Variants in TPST2 observed in about 807,000 individuals in gnomAD.
TPST2 encodes the protein protein-tyrosine sulfotransferase 2.
In TPST2, 16 loss-of-function variants were observed where a neutral mutation model predicts 27.8. That is an observed-to-expected ratio of 0.58 (90% confidence interval 0.39 to 0.88). The LOEUF (loss-of-function observed/expected upper bound fraction) is 0.88, where lower values mean the gene tolerates loss of function less well. Among genes scored for constraint, TPST2 ranks in the 40% least tolerant of loss-of-function variants. TPST2 has a pLI of 0.00. For synonymous variants in TPST2, 229 were observed against 231.7 expected, an observed-to-expected ratio of 0.99 and a Z score of 0.10; for missense variants, 464 against 543.1, an observed-to-expected ratio of 0.85 and a Z score of 1.45.
intron 1 of TPST2, among the ~76,000 whole-genome samples, chr22:26,550,039 C>A (rs369276361): frequency 1.2e-4 from 17 of 140,232 alleles, no homozygotes; most frequent in East Asian, 2.1e-4. Flanking sequence ...GACTCCATCT[C>A]AAAAAAAAAA....
intron 1 of TPST2, among the ~76,000 whole-genome samples, chr22:26,549,989 G>A (rs769889460): frequency 6.7e-5 from 10 of 150,270 alleles, no homozygotes; most frequent in Non-Finnish European, 4.4e-5. Flanking sequence ...GCAGTGAGCC[G>A]AGATCATGCC....
intron 1 of TPST2, among the ~76,000 whole-genome samples, chr22:26,583,840 C>CAA (rs778357820): frequency 6.2e-5 from 9 of 144,108 alleles, no homozygotes; most frequent in African/African-American, 2.3e-4. Context: ...GACTTCGTCT[C>CAA]AAAAAAAAAA....
At chr22:26,550,170 A>T (rs1292830059) in intron 1 of TPST2, among the ~76,000 whole-genome samples, 2 of 152,222 alleles carry the variant, frequency 1.3e-5, no homozygotes, top group East Asian at 1.9e-4. Context: ...CCTTAGACTC[A>T]GATTCATTCA....
At chr22:26,570,061 A>C (rs1393999975) in intron 1 of TPST2, among the ~76,000 whole-genome samples, 4 of 150,512 alleles carry the variant, frequency 2.7e-5, no homozygotes, top group Admixed American at 6.6e-5. Context: ...GAAAGAAAGA[A>C]AGAAGGAAAG....
intron 1 of TPST2, among the ~76,000 whole-genome samples, chr22:26,588,753 G>A (rs553602467): frequency 5.3e-5 from 8 of 152,140 alleles, no homozygotes; most frequent in African/African-American, 1.4e-4. Context: ...AAAATGCGTC[G>A]CCCGGGCCAC....
chr22:26,570,226 T>C (rs1183750067), intron 1 of TPST2, among the ~76,000 whole-genome samples: 2 of 152,038 alleles, frequency 1.3e-5, no homozygotes, highest in Non-Finnish European at 2.9e-5. Context: ...ACAAGACTCT[T>C]TGCATTCATT....
At chr22:26,555,514 C>T (rs1926746619) in intron 1 of TPST2, among the ~76,000 whole-genome samples, 1 of 152,264 alleles carries the variant, frequency 6.6e-6, no homozygotes, top group South Asian at 2.1e-4. Flanking sequence ...GAAAACGGCA[C>T]CTACCTTGTG....
At chr22:26,568,218 A>C (rs1927452751) in intron 1 of TPST2, among the ~76,000 whole-genome samples, 1 of 152,268 alleles carries the variant, frequency 6.6e-6, no homozygotes, top group African/African-American at 2.4e-5. Flanking sequence ...TATATACTAA[A>C]CAGCCAGGAG....
chr22:26,584,459 T>C (rs1351861829), intron 1 of TPST2, among the ~76,000 whole-genome samples: 1 of 152,218 alleles, frequency 6.6e-6, no homozygotes, highest in Non-Finnish European at 1.5e-5. Context: ...TTCTATGTGC[T>C]AGGCCTTAAG....
intron 1 of TPST2, among the ~76,000 whole-genome samples, chr22:26,547,093 C>CT (rs1435735565): frequency 2.0e-5 from 3 of 151,982 alleles, no homozygotes; most frequent in Non-Finnish European, 2.9e-5. Context: ...TCCTTTTTTT[C>CT]TTTTTTTGTT....
intron 1 of TPST2, among the ~76,000 whole-genome samples, chr22:26,576,691 C>T (rs1181935396): frequency 2.0e-5 from 3 of 151,824 alleles, no homozygotes; most frequent in Non-Finnish European, 4.4e-5. Context: ...AAGACAAAGC[C>T]GGGCACAGTA....
intron 6 of TPST2, among the ~76,000 whole-genome samples, 165 bp from the exon 7 acceptor site, chr22:26,526,432 C>T (rs1924838230): frequency 6.6e-6 from 1 of 152,184 alleles, no homozygotes; most frequent in Non-Finnish European, 1.5e-5. Flanking sequence ...AATTTAAAAA[C>T]GTTTCCTGGG....
chr22:26,527,844 C>G (rs1344614729), intron 6 of TPST2, among the ~76,000 whole-genome samples: 1 of 152,226 alleles, frequency 6.6e-6, no homozygotes, highest in Admixed American at 6.5e-5. Flanking sequence ...TGGCCCAACG[C>G]TGATGCTGTT....
intron 1 of TPST2, among the ~76,000 whole-genome samples, chr22:26,562,835 C>T (rs556446256): frequency 6.6e-6 from 1 of 152,250 alleles, no homozygotes; most frequent in Admixed American, 6.5e-5. Flanking sequence ...GTTGGTCAGG[C>T]TGGTCTCAAA....
intron 1 of TPST2, among the ~76,000 whole-genome samples, chr22:26,554,221 C>T (rs976260428): frequency 6.6e-6 from 1 of 152,182 alleles, no homozygotes; most frequent in Non-Finnish European, 1.5e-5. Context: ...CCACCCCATA[C>T]ACAGATGGGG....
chr22:26,570,029 A>AAGAC (rs1284785627), intron 1 of TPST2, among the ~76,000 whole-genome samples: 16 of 126,730 alleles, frequency 1.3e-4, no homozygotes, highest in African/African-American at 4.5e-4. Context: ...GAAAGAAAGA[A>AAGAC]AGAAAGAAAG....
At chr22:26,535,311 G>A (rs1247200732) in intron 4 of TPST2, among the ~76,000 whole-genome samples, 1 of 152,224 alleles carries the variant, frequency 6.6e-6, no homozygotes, top group East Asian at 1.9e-4. Context: ...AATGAAGTAA[G>A]GGCTGTGAAA....
At chr22:26,544,565 G>A (rs1303214127) in intron 2 of TPST2, 39 bp downstream of exon 2, 7 of 980,328 alleles carry the variant, frequency 7.1e-6, no homozygotes, top group Admixed American at 1.2e-4. Flanking sequence ...CTCAGGAGGG[G>A]CCAGGACTCC....
At chr22:26,535,130 G>GTT (rs1925379713) in intron 4 of TPST2, among the ~76,000 whole-genome samples, 1 of 152,218 alleles carries the variant, frequency 6.6e-6, no homozygotes, top group South Asian at 2.1e-4. Flanking sequence ...AGGTGGTAAT[G>GTT]ACTTTTTAGC....
Sources: allele counts gnomAD v4.1 joint callset (sites outside exome capture counted in the v4.1 genomes callset), GRCh38; gene constraint gnomAD v4.1.1; transcripts MANE v1.5; gene names NCBI Gene and HGNC (gene_info 2026-07-23, HGNC 2026-07-21).